Variants in EXOC4 observed in about 807,000 individuals in gnomAD.
EXOC4 encodes exocyst complex component 4, also known as SEC8-like 1.
A neutral mutation model predicts 107.2 loss-of-function variants in EXOC4; 71 were observed. The observed-to-expected ratio is 0.66, with a 90% confidence interval of 0.55 to 0.81. The LOEUF (loss-of-function observed/expected upper bound fraction) is 0.81. EXOC4 is among the 30% of genes least tolerant of loss of function. The probability of loss-of-function intolerance (pLI) is 0.00; values close to 1 mark genes in which losing one functional copy is unlikely to be tolerated. For synonymous variants in EXOC4, 456 were observed against 441.2 expected (o/e 1.03, Z -0.42); for missense variants, 1,108 against 1,189.6 (o/e 0.93, Z 1.01).
Position 133,305,859 on chromosome 7 carries a change from AT to A in EXOC4, c.472-11del. 1.3e-6 allele frequency: 2 copies of A among 1,564,432 alleles called. No homozygotes were observed. Among genetic ancestry groups the A allele is most frequent in the Admixed American group, 2.0e-5 (1 of 49,402 alleles). On this transcript the variant is annotated splice_polypyrimidine_tract_variant and intron_variant, in intron 3 of 17. Transcript: ENST00000253861. ...ATTAAGTTGTACTTAATTGTCTTTCATTTTTTTCTCTTTTCAGGTGTCAGCA... is the reference window on the plus strand; with the variant it reads ...ATTAAGTTGTACTTAATTGTCTTTCATTTTTTCTCTTTTCAGGTGTCAGCA...
intron 12 of EXOC4, among the ~76,000 whole-genome samples, chr7:133,901,950 C>G (rs17167336): frequency 0.12 from 17,744 of 152,172 alleles, 1,148 homozygotes; most frequent in Middle Eastern, 0.15. Flanking sequence ...TCTTGGGCAG[C>G]TTTCAAATTA....
intron 7 of EXOC4, among the ~76,000 whole-genome samples, chr7:133,380,239 AAAAAT>A (rs10688501): frequency 0.71 from 97,404 of 137,484 alleles, 34,559 homozygotes; most frequent in South Asian, 0.78. Flanking sequence ...AAAGTATAAT[AAAAAT>A]AAAATAAAAT....
At chr7:133,633,642 C>T (rs1430489016) in intron 10 of EXOC4, among the ~76,000 whole-genome samples, 3 of 152,032 alleles carry the variant, frequency 2.0e-5, no homozygotes, top group African/African-American at 7.2e-5. Flanking sequence ...TCACTTGAAC[C>T]CGGAGGCGGA....
chr7:134,087,363 G>A, the EXOC4 span, among the ~76,000 whole-genome samples: 19 of 152,222 alleles, frequency 1.2e-4, no homozygotes, highest in African/African-American at 4.1e-4. Context: ...GCATTGGTAC[G>A]GTGAGGGACA....
chr7:133,529,398 G>T (rs945643097), intron 9 of EXOC4, among the ~76,000 whole-genome samples: 1 of 152,132 alleles, frequency 6.6e-6, no homozygotes, highest in African/African-American at 2.4e-5. Context: ...TGGAGAGAGG[G>T]TTGCAAGTTT....
At chr7:134,083,418 G>C in the EXOC4 span, among the ~76,000 whole-genome samples, 1 of 152,254 alleles carries the variant, frequency 6.6e-6, no homozygotes, top group East Asian at 1.9e-4. Context: ...CCAAGACTTA[G>C]TAGCTTAAAA....
chr7:133,647,086 C>A (rs180959203), intron 10 of EXOC4, among the ~76,000 whole-genome samples: 1 of 152,140 alleles, frequency 6.6e-6, no homozygotes, highest in Admixed American at 6.5e-5. Flanking sequence ...ATCCAGTTTG[C>A]CACTAAATGT....
chr7:133,909,750 C>T (rs1185719252), intron 12 of EXOC4, among the ~76,000 whole-genome samples: 1 of 152,040 alleles, frequency 6.6e-6, no homozygotes, highest in Non-Finnish European at 1.5e-5. Flanking sequence ...GATCTTGAGG[C>T]TAGAGAATTT....
intron 9 of EXOC4, among the ~76,000 whole-genome samples, chr7:133,512,067 G>A (rs1370011693): frequency 6.6e-6 from 1 of 152,192 alleles, no homozygotes; most frequent in African/African-American, 2.4e-5. Flanking sequence ...CAGGGGAAAT[G>A]TATATTAAGC....
intron 10 of EXOC4, among the ~76,000 whole-genome samples, chr7:133,728,284 T>C (rs1795257242): frequency 6.6e-6 from 1 of 152,248 alleles, no homozygotes. Flanking sequence ...AGTTGCTGTT[T>C]CATGAAAGTA....
chr7:133,382,129 A>C (rs1469988111), intron 7 of EXOC4, among the ~76,000 whole-genome samples: 2 of 152,142 alleles, frequency 1.3e-5, no homozygotes, highest in Non-Finnish European at 2.9e-5. Context: ...AGAGACTAAG[A>C]CAGGCAAACT....
chr7:133,788,388 A>G, intron 10 of EXOC4, among the ~76,000 whole-genome samples: 1 of 149,800 alleles, frequency 6.7e-6, no homozygotes, highest in Admixed American at 6.7e-5. Context: ...AAACTCATGA[A>G]TTTTTTTTTT....
intron 7 of EXOC4, among the ~76,000 whole-genome samples, chr7:133,424,244 TTTATGAGCTGTAACACTC>T (rs1177301941): frequency 1.2e-4 from 18 of 152,246 alleles, no homozygotes; most frequent in Admixed American, 2.0e-4. Flanking sequence ...GCCTGCCGCC[TTTATGAGCTGTAACACTC>T]TTATGAGCTG....
downstream of EXOC4, among the ~76,000 whole-genome samples, chr7:134,067,628 T>TAC (rs1194588418): frequency 3.5e-4 from 15 of 43,134 alleles, no homozygotes; most frequent in African/African-American, 9.0e-4. Context: ...CCAACTCTTA[T>TAC]ATATATATAT....
rs1397270053 is a variant in EXOC4 at position 133,895,697 on chromosome 7, G to A, written c.1833G>A (p.Lys611=). 5.6e-6 allele frequency: 9 copies of A among 1,614,138 alleles called. No homozygotes were observed. The highest frequency in any genetic ancestry group is 7.6e-6 in the Non-Finnish European group (9 of 1,180,028). ...SDQFLNMVCV[K]LQEYKDTCTA... ...AATTCCTCAACATGGTGTGCGTGAA[G>A]CTCCAGGAGTACAAGGACACCTGCA... The change falls in exon 12 of 18, where the codon AAG becomes AAA. Residue 611 remains lysine (K), a synonymous_variant. Coordinates refer to ENST00000253861, the MANE Select transcript of EXOC4 (RefSeq NM_021807.4).
At chr7:133,662,847 T>C (rs1403437057) in intron 10 of EXOC4, among the ~76,000 whole-genome samples, 1 of 152,200 alleles carries the variant, frequency 6.6e-6, no homozygotes, top group Non-Finnish European at 1.5e-5. Context: ...ACGGTAAATG[T>C]GTTAGTGGAC....
chr7:133,634,088 G>A (rs963820818), intron 10 of EXOC4, among the ~76,000 whole-genome samples: 6 of 152,050 alleles, frequency 3.9e-5, no homozygotes, highest in Non-Finnish European at 7.4e-5. Flanking sequence ...GCAGTTTCCC[G>A]TTATGCTGGT....
At chr7:134,039,957 T>A (rs780091478) in intron 17 of EXOC4, among the ~76,000 whole-genome samples, 14 of 152,266 alleles carry the variant, frequency 9.2e-5, no homozygotes, top group Non-Finnish European at 1.6e-4. Context: ...CAAATCTGAA[T>A]CTTAGTTCCA....
At chr7:134,047,474 A>G (rs997898001) in intron 17 of EXOC4, among the ~76,000 whole-genome samples, 5 of 152,140 alleles carry the variant, frequency 3.3e-5, no homozygotes, top group Non-Finnish European at 7.3e-5. Context: ...GTATTTGCCT[A>G]TGGTTAATTT....
Sources: allele counts gnomAD v4.1 joint callset (sites outside exome capture counted in the v4.1 genomes callset), GRCh38; gene constraint gnomAD v4.1.1; transcripts MANE v1.5; gene names NCBI Gene and HGNC (gene_info 2026-07-23, HGNC 2026-07-21).